HSD11B1: variants seen among roughly 807,000 people sequenced by gnomAD.
The protein encoded by HSD11B1 is hydroxysteroid 11-beta dehydrogenase 1, also known as 11-beta-hydroxysteroid dehydrogenase 1.
A neutral mutation model predicts 22.1 loss-of-function variants in HSD11B1; 15 were observed. That is an observed-to-expected ratio of 0.68 (90% confidence interval 0.45 to 1.04). The LOEUF is 1.04. HSD11B1 is among the 50% of genes least tolerant of loss of function. HSD11B1 has a pLI of 0.00. For synonymous variants in HSD11B1, 122 were observed against 125.2 expected, an observed-to-expected ratio of 0.97 and a Z score of 0.17; for missense variants, 281 against 357.6, an observed-to-expected ratio of 0.79 and a Z score of 1.73.
At chr1:209,719,019 C>CAAAAAAAAAAAAA (rs56342028) in intron 4 of HSD11B1, among the ~76,000 whole-genome samples, 1,889 of 35,526 alleles carry the variant, frequency 0.053, 411 homozygotes, top group Middle Eastern at 0.1. Context: ...GACTCCATCT[C>CAAAAAAAAAAAAA]AAAAAAAAAA....
rs189681835 is a variant in HSD11B1 at position 209,687,442 on chromosome 1, T to C, written c.-49+1157T>C. On this transcript the variant is annotated intron_variant, in intron 1 of 6. Transcript: ENST00000261465. ...CCCTGTCATTAGGATGATATGAAAA[T>C]AAAATCTGAAAATCCTAGCTCTTTC... 9.8e-5 allele frequency among the ~76,000 whole-genome samples: 15 copies of C among 152,296 alleles called. No homozygotes were observed. In the East Asian group the frequency reaches 2.9e-3, roughly 29 times the overall value.
chr1:209,704,366 C>T (rs2076843210), upstream of HSD11B1, among the ~76,000 whole-genome samples: 1 of 146,864 alleles, frequency 6.8e-6, no homozygotes, highest in South Asian at 2.2e-4. Flanking sequence ...TCTTTGCTTT[C>T]ATTATTTTTT....
intron 4 of HSD11B1, among the ~76,000 whole-genome samples, chr1:209,709,445 C>T (rs2076880797): frequency 1.3e-5 from 2 of 152,190 alleles, no homozygotes; most frequent in East Asian, 1.9e-4. Context: ...TGATTAGCCT[C>T]CTCTCCTTCC....
intron 4 of HSD11B1, among the ~76,000 whole-genome samples, chr1:209,714,352 T>A (rs2236905): frequency 0.011 from 1,605 of 152,358 alleles, 64 homozygotes; most frequent in East Asian, 0.082. Context: ...CTCTGAAAGC[T>A]GTTGAAATAC....
intron 4 of HSD11B1, among the ~76,000 whole-genome samples, chr1:209,719,072 C>A (rs960775732): frequency 6.9e-6 from 1 of 145,622 alleles, no homozygotes; most frequent in Non-Finnish European, 1.5e-5. Flanking sequence ...TCTCAAAGAG[C>A]TACTTGTATA....
intron 4 of HSD11B1, among the ~76,000 whole-genome samples, 173 bp downstream of exon 4, chr1:209,707,301 T>C (rs2076866521): frequency 6.6e-6 from 1 of 152,166 alleles, no homozygotes; most frequent in South Asian, 2.1e-4. Flanking sequence ...GAAAAAGCAG[T>C]AGCTCTGAGT....
chr1:209,726,962 C>A (rs2282740), intron 4 of HSD11B1, among the ~76,000 whole-genome samples: 6,084 of 152,190 alleles, frequency 0.04, 577 homozygotes, highest in East Asian at 0.3. Flanking sequence ...GTGTAGTGGG[C>A]TGAATGGTGG....
chr1:209,724,562 G>C (rs1205616835), intron 4 of HSD11B1, among the ~76,000 whole-genome samples: 1 of 152,158 alleles, frequency 6.6e-6, no homozygotes, highest in Non-Finnish European at 1.5e-5. Flanking sequence ...AGCAGAAAAA[G>C]TCAAATTTTA....
chr1:209,710,666 T>C (rs1409956575), intron 4 of HSD11B1, among the ~76,000 whole-genome samples: 1 of 152,130 alleles, frequency 6.6e-6, no homozygotes, highest in Admixed American at 6.5e-5. Flanking sequence ...GTAATCCTTC[T>C]GGATCAAGGA....
At chr1:209,729,174 C>A (rs35966136) in intron 4 of HSD11B1, among the ~76,000 whole-genome samples, 4,143 of 152,224 alleles carry the variant, frequency 0.027, 185 homozygotes, top group African/African-American at 0.093. Flanking sequence ...GCCTGGCCAA[C>A]ATGGTGAAAC....
intron 1 of HSD11B1, among the ~76,000 whole-genome samples, chr1:209,692,683 AGT>A (rs1412395111): frequency 6.7e-6 from 1 of 150,178 alleles, no homozygotes; most frequent in Non-Finnish European, 1.5e-5. Flanking sequence ...TTTACAAGGA[AGT>A]GCCCAGATGG....
At chr1:209,698,023 C>A (rs1425081950) in intron 1 of HSD11B1, among the ~76,000 whole-genome samples, 1 of 149,602 alleles carries the variant, frequency 6.7e-6, no homozygotes, top group East Asian at 2.0e-4. Context: ...AGCCACCAAA[C>A]CTGGCTTGAA....
At chr1:209,703,237 A>G (rs2076835391), upstream of HSD11B1, among the ~76,000 whole-genome samples, 1 of 152,172 alleles carries the variant, frequency 6.6e-6, no homozygotes, top group African/African-American at 2.4e-5. Context: ...CAACATCATC[A>G]TATTTCCAAA....
At chr1:209,702,829 T>C (rs1421483483), upstream of HSD11B1, among the ~76,000 whole-genome samples, 3 of 152,236 alleles carry the variant, frequency 2.0e-5, no homozygotes, top group Non-Finnish European at 4.4e-5. Flanking sequence ...ATTTAATGCA[T>C]CAACTACCAT....
chr1:209,700,312 A>G (rs577768466), upstream of HSD11B1, among the ~76,000 whole-genome samples: 11 of 152,338 alleles, frequency 7.2e-5, 2 homozygotes, highest in South Asian at 2.3e-3. Context: ...CCAAACTTCA[A>G]TTCTTGATTT....
At chr1:209,699,246 A>G (rs1408947020) in intron 1 of HSD11B1, among the ~76,000 whole-genome samples, 2 of 152,022 alleles carry the variant, frequency 1.3e-5, no homozygotes, top group Admixed American at 1.3e-4. Context: ...GTGGCAAGAA[A>G]GGGAGAATCT....
intron 4 of HSD11B1, among the ~76,000 whole-genome samples, chr1:209,713,219 G>C (rs953115217): frequency 1.3e-5 from 2 of 152,114 alleles, no homozygotes; most frequent in African/African-American, 2.4e-5. Context: ...AAAATAACTA[G>C]TTGTACTATA....
chr1:209,691,101 G>T (rs1396166936), intron 1 of HSD11B1, among the ~76,000 whole-genome samples: 1 of 152,170 alleles, frequency 6.6e-6, no homozygotes, highest in African/African-American at 2.4e-5. Flanking sequence ...CCAAGGGTCA[G>T]AAATCTGAAC....
chr1:209,704,370 A>AT (rs2076843265), upstream of HSD11B1, among the ~76,000 whole-genome samples: 1 of 123,654 alleles, frequency 8.1e-6, no homozygotes, highest in East Asian at 2.3e-4. Context: ...TGCTTTCATT[A>AT]TTTTTTCCCA....
Sources: allele counts gnomAD v4.1 joint callset (sites outside exome capture counted in the v4.1 genomes callset), GRCh38; gene constraint gnomAD v4.1.1; transcripts MANE v1.5; gene names NCBI Gene and HGNC (gene_info 2026-07-23, HGNC 2026-07-21).